Variants in RALGAPA2 observed in about 807,000 individuals in gnomAD.
RALGAPA2 encodes Ral GTPase activating protein catalytic subunit alpha 2.
Under a neutral mutation model 230.4 loss-of-function variants are expected in RALGAPA2, and 139 were observed. The ratio of observed to expected loss-of-function variants is 0.60; its 90% CI spans 0.53 to 0.69. The LOEUF (loss-of-function observed/expected upper bound fraction) is 0.69, where lower values mean the gene tolerates loss of function less well. RALGAPA2 is among the 30% of genes least tolerant of loss of function. RALGAPA2 has a pLI of 0.00. For synonymous variants in RALGAPA2, 847 were observed against 837.8 expected, an observed-to-expected ratio of 1.01 and a Z score of -0.19; for missense variants, 2,163 against 2,276.0, an observed-to-expected ratio of 0.95 and a Z score of 1.01.
chr20:20,530,591 T>C (rs1383576185), intron 27 of RALGAPA2, among the ~76,000 whole-genome samples: 1 of 151,842 alleles, frequency 6.6e-6, no homozygotes, highest in Non-Finnish European at 1.5e-5. Context: ...GCACAAAGGG[T>C]GGTACAGAGA....
intron 10 of RALGAPA2, among the ~76,000 whole-genome samples, chr20:20,624,124 C>T (rs559194222): frequency 1.3e-5 from 2 of 152,038 alleles, no homozygotes; most frequent in East Asian, 1.9e-4. Flanking sequence ...GTCAGGAGTT[C>T]GAGACCAGCT....
At chr20:20,537,391 G>A (rs1431820994) in intron 24 of RALGAPA2, among the ~76,000 whole-genome samples, 4 of 151,964 alleles carry the variant, frequency 2.6e-5, no homozygotes, top group South Asian at 2.1e-4. Context: ...AGGCTGAGGC[G>A]GGTGGATCAC....
chr20:20,620,467 T>C lies in RALGAPA2; in HGVS notation c.1397A>G (p.Lys466Arg), dbSNP rs1024214466. 3.1e-6 allele frequency: 5 copies of C among 1,612,918 alleles called. No individual in the cohort carries two copies. In the African/African-American group the frequency reaches 5.3e-5, roughly 17 times the overall value. ...AAGACAAGTGAAAAAAATTACCTCC[T>C]TGCTATCAGTCTCGGAAAATCCTAA... ...EKLGFSETDS[K>R]EASSESSGHK... The change falls in exon 11 of 40, where the codon AAG becomes AGG. Residue 466 changes from lysine (K) to arginine (R), a missense_variant. Physicochemically the swap from Lys to Arg is conservative, Grantham distance 26. Coordinates refer to ENST00000202677, the MANE Select transcript of RALGAPA2 (RefSeq NM_020343.4).
intron 16 of RALGAPA2, chr20:20,598,601 A>G (rs2065534927): frequency 2.7e-6 from 1 of 370,498 alleles, no homozygotes; most frequent in Non-Finnish European, 5.5e-6. Flanking sequence ...TGGGGATATT[A>G]ACAAAGGAAG....
Position 20,619,265 on chromosome 20 carries a change from C to T in RALGAPA2, c.1539+12G>A. On this transcript the variant is annotated intron_variant, in intron 12 of 39. Transcript: ENST00000202677. ...CGGTGGAGGGGTCTTCATGTCCTGG[C>T]CAGCCACATACCTGCAACAAAGCCT... is the stretch of plus-strand genomic sequence containing the variant. The T allele has an allele frequency of 1.3e-6, 2 of 1,586,598 alleles. No homozygotes were observed. Among genetic ancestry groups the T allele is most frequent in the East Asian group, 2.3e-5 (1 of 44,220 alleles).
At chr20:20,702,565 C>A (rs1055706841) in intron 1 of RALGAPA2, among the ~76,000 whole-genome samples, 1 of 152,200 alleles carries the variant, frequency 6.6e-6, no homozygotes, top group South Asian at 2.1e-4. Context: ...AGCATTAATA[C>A]TCCTGCAGTG....
chr20:20,503,639 T>A, intron 34 of RALGAPA2, 133 bp from the exon 35 acceptor site: 1 of 699,516 alleles, frequency 1.4e-6, no homozygotes, highest in Non-Finnish European at 2.1e-6. Context: ...CAAACAAATG[T>A]AATACAAAGT....
In RALGAPA2 at chr20:20,673,731, C is replaced by T. The variant is rs544620822; in HGVS notation, c.270+2505G>A. Among the ~76,000 whole-genome samples, 4 of 152,254 alleles carry T rather than the reference C, an allele frequency of 2.6e-5. No individual in the cohort carries two copies. In the East Asian group the frequency reaches 5.8e-4, roughly 22 times the overall value. ...TAAAAAAAACATTTCAATGACAGCT[C>T]ATTCCAATCTTATAGAACTATGTTA... On this transcript the variant is annotated intron_variant, in intron 3 of 39. Coordinates refer to ENST00000202677, the MANE Select transcript of RALGAPA2 (RefSeq NM_020343.4).
At chr20:20,542,080 T>A (rs778205225) in intron 24 of RALGAPA2, among the ~76,000 whole-genome samples, 1 of 152,168 alleles carries the variant, frequency 6.6e-6, no homozygotes, top group Non-Finnish European at 1.5e-5. Flanking sequence ...ACAAAATCAA[T>A]GTGCAAAAAT....
At chr20:20,396,588 G>C (rs533519407) in intron 39 of RALGAPA2, 107 bp downstream of exon 39, 1 of 1,052,722 alleles carries the variant, frequency 9.5e-7, no homozygotes, top group African/African-American at 1.6e-5. Flanking sequence ...CCAGGAGGGC[G>C]AGGAGCACTG....
chr20:20,424,321 G>A (rs1359132285), intron 37 of RALGAPA2, among the ~76,000 whole-genome samples: 1 of 152,146 alleles, frequency 6.6e-6, no homozygotes, highest in Non-Finnish European at 1.5e-5. Context: ...AAATGTAAGT[G>A]ACAAGAAAAT....
intron 36 of RALGAPA2, among the ~76,000 whole-genome samples, chr20:20,494,313 AC>A: frequency 6.6e-6 from 1 of 152,234 alleles, no homozygotes; most frequent in African/African-American, 2.4e-5. Context: ...GATTATACAT[AC>A]TATCAAGCTG....
At chr20:20,616,606 CAG>C (rs1316123564) in intron 12 of RALGAPA2, among the ~76,000 whole-genome samples, 1 of 152,086 alleles carries the variant, frequency 6.6e-6, no homozygotes, top group Admixed American at 6.5e-5. Flanking sequence ...GATGGCCAGA[CAG>C]TGGTCAGACA....
chr20:20,504,552 T>A (rs901211839), intron 34 of RALGAPA2, among the ~76,000 whole-genome samples: 1 of 151,898 alleles, frequency 6.6e-6, no homozygotes, highest in Non-Finnish European at 1.5e-5. Flanking sequence ...TGAAACACCA[T>A]CTCTACTAAA....
At chr20:20,403,390 T>G (rs1193046343) in intron 38 of RALGAPA2, among the ~76,000 whole-genome samples, 1 of 152,180 alleles carries the variant, frequency 6.6e-6, no homozygotes, top group Admixed American at 6.5e-5. Context: ...CAAAGGTGCA[T>G]CCCTCTGTGT....
intron 30 of RALGAPA2, among the ~76,000 whole-genome samples, chr20:20,523,871 G>A (rs1175448314): frequency 1.3e-5 from 2 of 152,206 alleles, no homozygotes; most frequent in African/African-American, 4.8e-5. Context: ...AAAGATTAAA[G>A]ATGATAGTCA....
chr20:20,537,731 C>A (rs540388491), intron 24 of RALGAPA2, among the ~76,000 whole-genome samples: 3 of 152,112 alleles, frequency 2.0e-5, no homozygotes, highest in African/African-American at 7.2e-5. Context: ...AATCTACTCA[C>A]CTATCTGTCC....
At chr20:20,476,838 A>G (rs765988268) in intron 36 of RALGAPA2, among the ~76,000 whole-genome samples, 2 of 152,158 alleles carry the variant, frequency 1.3e-5, no homozygotes, top group Non-Finnish European at 2.9e-5. Context: ...CCAGAGGAGA[A>G]CAAATTAAAA....
At chr20:20,488,966 C>T (rs1483706737) in intron 36 of RALGAPA2, among the ~76,000 whole-genome samples, 2 of 152,128 alleles carry the variant, frequency 1.3e-5, no homozygotes, top group African/African-American at 2.4e-5. Context: ...TTGCTCCTTT[C>T]GACATTTCTA....
Sources: gnomAD v4.1 joint callset for allele counts (sites outside exome capture counted in the v4.1 genomes callset) on GRCh38, gnomAD v4.1.1 for gene constraint, MANE v1.5 for transcripts, NCBI Gene and HGNC (gene_info 2026-07-23, HGNC 2026-07-21) for gene names.